TLE1: variants seen among roughly 807,000 people sequenced by gnomAD.
TLE1 encodes the protein TLE family member 1, transcriptional corepressor.
TLE1 carries 21 observed loss-of-function variants against 89.8 expected under a neutral mutation model. That is an observed-to-expected ratio of 0.23 (90% CI 0.17 to 0.34). The LOEUF is 0.34. TLE1 is among the 10% of genes least tolerant of loss of function. TLE1 has a pLI of 1.00. For synonymous variants in TLE1, 447 were observed against 407.6 expected (o/e 1.10, Z -1.16); for missense variants, 795 against 1,031.2 (o/e 0.77, Z 3.14).
chr9:81,681,188 C>T (rs1833578037), intron 4 of TLE1, among the ~76,000 whole-genome samples: 1 of 152,172 alleles, frequency 6.6e-6, no homozygotes, highest in South Asian at 2.1e-4. Context: ...CCTTTCCCAA[C>T]CAGGATTGCA....
intron 4 of TLE1, among the ~76,000 whole-genome samples, chr9:81,663,622 CT>C (rs35562910): frequency 0.013 from 1,773 of 134,622 alleles, 23 homozygotes; most frequent in African/African-American, 0.039. Context: ...ACAGAATAGA[CT>C]TTTTTTTTTT....
intron 8 of TLE1, among the ~76,000 whole-genome samples, chr9:81,623,720 G>A (rs1057468787): frequency 1.3e-5 from 2 of 151,940 alleles, no homozygotes; most frequent in African/African-American, 2.4e-5. Context: ...AACCTGGGAG[G>A]CGGAGGTTGC....
intron 4 of TLE1, among the ~76,000 whole-genome samples, chr9:81,667,401 AAAAAG>A (rs1831614642): frequency 6.6e-6 from 1 of 151,958 alleles, no homozygotes; most frequent in Non-Finnish European, 1.5e-5. Context: ...AAAAAAAAAA[AAAAAG>A]AAGCAAAAAT....
intron 4 of TLE1, among the ~76,000 whole-genome samples, chr9:81,682,404 T>G (rs1392291846): frequency 4.6e-5 from 7 of 152,104 alleles, no homozygotes; most frequent in African/African-American, 1.7e-4. Context: ...CCCAATCTAC[T>G]CTGGAGGATG....
intron 6 of TLE1, among the ~76,000 whole-genome samples, chr9:81,645,465 G>T (rs1564019215): frequency 1.3e-5 from 2 of 152,104 alleles, no homozygotes; most frequent in African/African-American, 2.4e-5. Flanking sequence ...TGCTTGCTGG[G>T]TCTGGTGGCT....
At position 81,620,536 on chromosome 9, in the gene TLE1, C is replaced by G; in HGVS notation, c.616G>C (p.Asp206His). 6.2e-7 allele frequency: 1 copy of G among 1,612,458 alleles called. No homozygotes were observed. The highest frequency in any genetic ancestry group is 1.3e-5 in the African/African-American group (1 of 74,938). The change falls in exon 9 of 20, where the codon GAC becomes CAC. Residue 206 changes from aspartate (D) to histidine (H), a missense_variant. By Grantham distance (81) the Asp-to-His change is moderately conservative. This residue lies in a region of TLE1 where 468 missense variants were observed against 509.1 expected (regional missense o/e 0.92). Transcript: ENST00000376499. Reference protein sequence around the residue: ...PGTSNSLLVPDSLRGTDKRRN... With the variant: ...PGTSNSLLVPHSLRGTDKRRN... ...CGTTTATCTGTGCCTCTTAGACTGT[C>G]TGGGACCAGGAGGGAATTACTCTGC... is the stretch of plus-strand genomic sequence containing the variant.
At chr9:81,633,311 G>A (rs569044338) in intron 8 of TLE1, 37 bp downstream of exon 8, 3 of 1,610,388 alleles carry the variant, frequency 1.9e-6, no homozygotes, top group Non-Finnish European at 2.5e-6. Context: ...GTGTGTGTGT[G>A]TGTGTGTGTG....
intron 5 of TLE1, among the ~76,000 whole-genome samples, chr9:81,653,566 G>A (rs867711599): frequency 1.2e-4 from 18 of 152,270 alleles, no homozygotes; most frequent in Middle Eastern, 3.4e-3. Context: ...CAACTGCCTT[G>A]ATACATAAGT....
intron 11 of TLE1, among the ~76,000 whole-genome samples, chr9:81,615,278 G>A (rs563993565): frequency 1.5e-3 from 217 of 142,128 alleles, no homozygotes; most frequent in Admixed American, 2.3e-3. Flanking sequence ...GCAGTGTGCC[G>A]AGATCACGCC....
At chr9:81,645,000 CAAAAAAAAAAAAA>C (rs150421441) in intron 6 of TLE1, among the ~76,000 whole-genome samples, 2 of 64,892 alleles carry the variant, frequency 3.1e-5, no homozygotes, top group African/African-American at 1.3e-4. Context: ...GACACTGTCT[CAAAAAAAAAAAAA>C]AAAAAAAAAA....
In TLE1 at chr9:81,611,772, G is replaced by T. The variant is rs1484372062; in HGVS notation, c.1251C>A (p.Pro417=). 4 of 1,527,704 alleles carry T rather than the reference G, an allele frequency of 2.6e-6. No individual in the cohort carries two copies. Among genetic ancestry groups the T allele is most frequent in the Non-Finnish European group, 2.6e-6 (3 of 1,146,526 alleles). 94.6% of individuals were successfully genotyped at this position (1,527,704 alleles called of 1,614,324 possible). The change falls in exon 13 of 20, where the codon CCC becomes CCA. Residue 417 remains proline (P), a synonymous_variant. Transcript: ENST00000376499. ...AGCCCACCCGACAGCGGCCTACCAT[G>T]GGGGAGCGCCCGTAGGCCACCACGG... ...AAAVVAYGRS[P]MVGFDPPPHM... is the part of the protein sequence containing the mutation.
intron 11 of TLE1, among the ~76,000 whole-genome samples, chr9:81,615,424 G>A (rs752365730): frequency 6.6e-5 from 10 of 151,682 alleles, no homozygotes; most frequent in Non-Finnish European, 8.8e-5. Flanking sequence ...CAAGTAAGAC[G>A]GCAATGAGGC....
intron 12 of TLE1, chr9:81,612,345 A>G: frequency 9.9e-7 from 1 of 1,006,276 alleles, no homozygotes; most frequent in Non-Finnish European, 1.2e-6. Flanking sequence ...TTTCTCTTTC[A>G]GTCCGAACTT....
intron 4 of TLE1, among the ~76,000 whole-genome samples, chr9:81,657,382 TCTTA>T (rs1388371096): frequency 1.3e-5 from 2 of 152,222 alleles, no homozygotes; most frequent in African/African-American, 4.8e-5. Context: ...TAAAAGCCAT[TCTTA>T]CTTTTCTTCT....
At chr9:81,609,787 T>C (rs1434489255) in intron 14 of TLE1, among the ~76,000 whole-genome samples, 1 of 152,176 alleles carries the variant, frequency 6.6e-6, no homozygotes, top group East Asian at 1.9e-4. Flanking sequence ...GGCACAGAGC[T>C]GAGTAAAGAG....
In TLE1 at chr9:81,584,664, G is replaced by A. The variant is rs947076903; in HGVS notation, c.2129-140C>T. 6 of 740,554 alleles carry A rather than the reference G, an allele frequency of 8.1e-6. No individual in the cohort carries two copies. In the South Asian group the frequency reaches 1.1e-4, roughly 14 times the overall value. 45.9% of individuals were successfully genotyped at this position (740,554 alleles called of 1,614,324 possible). ...TAAGGACTGGTCCATGATATGAACA[G>A]AGGTTTTAATCTGGGCTCCTCAGTG... On this transcript the variant is annotated intron_variant, in intron 18 of 19. Coordinates refer to ENST00000376499, the MANE Select transcript of TLE1 (RefSeq NM_005077.5).
intron 4 of TLE1, among the ~76,000 whole-genome samples, chr9:81,673,550 C>T (rs928879556): frequency 1.3e-5 from 2 of 152,088 alleles, no homozygotes; most frequent in African/African-American, 2.4e-5. Context: ...CAGGAAACTA[C>T]GCAACTGCTC....
At chr9:81,635,440 T>C (rs1827244876) in intron 6 of TLE1, among the ~76,000 whole-genome samples, 1 of 152,210 alleles carries the variant, frequency 6.6e-6, no homozygotes, top group African/African-American at 2.4e-5. Flanking sequence ...CACAGTATCA[T>C]TGCTCTTATA....
At chr9:81,602,363 A>G (rs1831053604) in intron 14 of TLE1, among the ~76,000 whole-genome samples, 1 of 152,232 alleles carries the variant, frequency 6.6e-6, no homozygotes, top group South Asian at 2.1e-4. Context: ...AGTGTTTCTG[A>G]TGTCGGATTT....
Sources: gnomAD v4.1 joint callset for allele counts (sites outside exome capture counted in the v4.1 genomes callset) on GRCh38, gnomAD v4.1.1 for gene constraint, gnomAD v4.1.1 regional missense constraint, MANE v1.5 for transcripts, NCBI Gene and HGNC (gene_info 2026-07-23, HGNC 2026-07-21) for gene names.